Variants in SCMH1 observed in about 807,000 individuals in gnomAD.
The protein encoded by SCMH1 is polycomb protein SCMH1.
Under a neutral mutation model 70.8 loss-of-function variants are expected in SCMH1, and 37 were observed. The observed-to-expected ratio is 0.52, with a 90% confidence interval of 0.40 to 0.69. The LOEUF (loss-of-function observed/expected upper bound fraction) is 0.69. SCMH1 is among the 30% of genes least tolerant of loss of function. The pLI is 0.00. For missense variants in SCMH1, 607 were observed against 827.3 expected, an observed-to-expected ratio of 0.73 and a Z score of 3.27; for synonymous variants, 292 against 307.4, an observed-to-expected ratio of 0.95 and a Z score of 0.52.
chr1:41,034,295 G>GCT (rs35974027), intron 13 of SCMH1, among the ~76,000 whole-genome samples: 10,973 of 150,220 alleles, frequency 0.073, 548 homozygotes, highest in South Asian at 0.12. Context: ...CTTCCTGAAA[G>GCT]CTCTCTCCGC....
chr1:41,089,052 G>A (rs371953029), intron 8 of SCMH1, among the ~76,000 whole-genome samples: 1 of 152,166 alleles, frequency 6.6e-6, no homozygotes. Flanking sequence ...TTCTGCTTTA[G>A]TAGGTCTGGG....
chr1:41,158,530 C>A (rs1645751212), intron 4 of SCMH1, among the ~76,000 whole-genome samples: 1 of 152,126 alleles, frequency 6.6e-6, no homozygotes, highest in Non-Finnish European at 1.5e-5. Context: ...TATAAAGGCC[C>A]AGACATGAGA....
intron 10 of SCMH1, among the ~76,000 whole-genome samples, chr1:41,067,325 T>C (rs1009463455): frequency 2.6e-5 from 4 of 151,618 alleles, no homozygotes; most frequent in Non-Finnish European, 5.9e-5. Context: ...GCGCCTGTGG[T>C]CCCAGGTACT....
chr1:41,124,633 G>A (rs753776817), intron 6 of SCMH1, among the ~76,000 whole-genome samples: 16 of 151,378 alleles, frequency 1.1e-4, no homozygotes, highest in Non-Finnish European at 2.1e-4. Flanking sequence ...TTTGAGACAG[G>A]GTCTTTCTCT....
chr1:41,230,820 G>A (rs556652027), intron 1 of SCMH1, among the ~76,000 whole-genome samples: 3 of 152,206 alleles, frequency 2.0e-5, no homozygotes, highest in African/African-American at 7.2e-5. Flanking sequence ...TCCCCTTAGA[G>A]ATCCCAATTC....
intron 1 of SCMH1, among the ~76,000 whole-genome samples, chr1:41,198,454 C>G (rs1025962952): frequency 3.3e-5 from 5 of 152,208 alleles, no homozygotes; most frequent in Non-Finnish European, 7.3e-5. Flanking sequence ...TTATATCCTA[C>G]ACATTGTCTA....
intron 1 of SCMH1, among the ~76,000 whole-genome samples, chr1:41,206,423 A>T (rs1235753959): frequency 2.0e-5 from 3 of 152,240 alleles, no homozygotes; most frequent in Admixed American, 1.3e-4. Flanking sequence ...AGCCGATTTG[A>T]CCAAGTGGAA....
chr1:41,110,777 T>C (rs1001204139), intron 8 of SCMH1, among the ~76,000 whole-genome samples: 1 of 152,226 alleles, frequency 6.6e-6, no homozygotes, highest in African/African-American at 2.4e-5. Context: ...TGTGTGAACA[T>C]ATGTTTCTAT....
intron 11 of SCMH1, among the ~76,000 whole-genome samples, chr1:41,047,325 A>G (rs1156733562): frequency 2.0e-5 from 3 of 151,976 alleles, no homozygotes; most frequent in South Asian, 2.1e-4. Flanking sequence ...AGAAACAAAG[A>G]AGAGACCAGG....
At chr1:41,139,847 T>C (rs72665604) in intron 6 of SCMH1, among the ~76,000 whole-genome samples, 16,229 of 152,068 alleles carry the variant, frequency 0.11, 991 homozygotes, top group South Asian at 0.18. Context: ...AGACTTGACT[T>C]TTCAGAATTA....
intron 4 of SCMH1, among the ~76,000 whole-genome samples, chr1:41,155,984 C>CAAAAAAAAA (rs386366781): frequency 6.7e-5 from 5 of 74,652 alleles, no homozygotes; most frequent in African/African-American, 3.0e-4. Context: ...GACTCCGTCT[C>CAAAAAAAAA]AAAAAAAAAA....
chr1:41,194,761 C>G (rs1009885878), intron 1 of SCMH1, among the ~76,000 whole-genome samples: 2 of 152,102 alleles, frequency 1.3e-5, no homozygotes, highest in Admixed American at 1.3e-4. Flanking sequence ...TACACAGGAA[C>G]CAAATGAGAA....
chr1:41,153,460 C>T (rs1645247997), intron 4 of SCMH1, among the ~76,000 whole-genome samples: 1 of 152,156 alleles, frequency 6.6e-6, no homozygotes, highest in African/African-American at 2.4e-5. Flanking sequence ...ACTAAAAGCA[C>T]CAAAGAGACT....
chr1:41,044,932 A>G (rs1646712588), intron 12 of SCMH1, among the ~76,000 whole-genome samples: 1 of 152,194 alleles, frequency 6.6e-6, no homozygotes, highest in Admixed American at 6.5e-5. Flanking sequence ...TAATGATGGC[A>G]TTCCATTTAA....
chr1:41,042,813 A>T (rs890266642), intron 12 of SCMH1, among the ~76,000 whole-genome samples: 2 of 152,238 alleles, frequency 1.3e-5, no homozygotes, highest in African/African-American at 4.8e-5. Flanking sequence ...AGTCTAGTAT[A>T]GAATCGGGCA....
At chr1:41,086,085 C>A (rs892417139) in intron 8 of SCMH1, among the ~76,000 whole-genome samples, 1 of 151,984 alleles carries the variant, frequency 6.6e-6, no homozygotes, top group Non-Finnish European at 1.5e-5. Flanking sequence ...GTGATCTGCC[C>A]GCCTTGGCCT....
At chr1:41,131,506 T>C (rs766795894) in intron 6 of SCMH1, among the ~76,000 whole-genome samples, 2 of 152,188 alleles carry the variant, frequency 1.3e-5, no homozygotes, top group African/African-American at 2.4e-5. Context: ...TTGCAAACAT[T>C]ATCTCCTAGT....
intron 6 of SCMH1, among the ~76,000 whole-genome samples, chr1:41,136,370 TTTTC>T (rs201732941): frequency 0.1 from 15,299 of 150,712 alleles, 748 homozygotes; most frequent in South Asian, 0.17. Context: ...TCATTTCTTC[TTTTC>T]TTTCTTTCTT....
At position 41,081,898 on chromosome 1, in the gene SCMH1, A is replaced by C. The variant is rs182659116; in HGVS notation, c.746-6447T>G. The stretch of plus-strand genomic sequence containing the variant: ...AGCAAAATAGAGAGTTCCAAAATTA[A>C]CTACACATATATAGTCATCTGATTT... On this transcript the variant is annotated intron_variant, in intron 8 of 14. Transcript: ENST00000337495. Among the ~76,000 whole-genome samples, 5 of 152,246 alleles carry C rather than the reference A, an allele frequency of 3.3e-5. 1 individual carries two copies. The highest frequency in any genetic ancestry group is 3.3e-4 in the Admixed American group (5 of 15,286).
Sources: gnomAD v4.1 joint callset for allele counts (sites outside exome capture counted in the v4.1 genomes callset) on GRCh38, gnomAD v4.1.1 for gene constraint, MANE v1.5 for transcripts, NCBI Gene and HGNC (gene_info 2026-07-23, HGNC 2026-07-21) for gene names.